Variants in PIK3C2B observed in about 807,000 individuals in gnomAD.
The protein encoded by PIK3C2B is phosphatidylinositol 4-phosphate 3-kinase C2 domain-containing subunit beta.
Under a neutral mutation model 184.3 loss-of-function variants are expected in PIK3C2B, and 83 were observed. The observed-to-expected ratio is 0.45, with a 90% CI of 0.38 to 0.54. The LOEUF is 0.54. Ranked by LOEUF, PIK3C2B falls within the 20% of genes least tolerant of loss-of-function variation. The probability of loss-of-function intolerance (pLI) is 0.00; values close to 1 mark genes in which losing one functional copy is unlikely to be tolerated. For synonymous variants in PIK3C2B, 779 were observed against 837.6 expected (o/e 0.93, Z 1.21); for missense variants, 1,736 against 2,113.5 (o/e 0.82, Z 3.50).
At chr1:204,454,512 G>T in intron 12 of PIK3C2B, 157 bp downstream of exon 12, 6 of 618,940 alleles carry the variant, frequency 9.7e-6, no homozygotes, top group East Asian at 2.9e-5. Context: ...AGTCAGGGAA[G>T]TGGAGACTCA....
chr1:204,481,414 T>G (rs943228971), intron 1 of PIK3C2B, among the ~76,000 whole-genome samples: 11 of 151,864 alleles, frequency 7.2e-5, no homozygotes, highest in African/African-American at 2.7e-4. Flanking sequence ...CCCGCCACCA[T>G]GCCCAGCTAA....
intron 1 of PIK3C2B, among the ~76,000 whole-genome samples, chr1:204,482,920 A>G (rs937640491): frequency 6.6e-6 from 1 of 152,174 alleles, no homozygotes; most frequent in Non-Finnish European, 1.5e-5. Context: ...AGGACTGCCC[A>G]TGTCAGCCTG....
chr1:204,478,041 GC>G (rs898461266), intron 1 of PIK3C2B, among the ~76,000 whole-genome samples: 7 of 152,136 alleles, frequency 4.6e-5, no homozygotes, highest in Non-Finnish European at 5.9e-5. Context: ...AGGGTTTCAA[GC>G]CCCCAGTCTT....
chr1:204,467,687 T>C (rs1017630983), intron 2 of PIK3C2B, among the ~76,000 whole-genome samples: 2 of 151,828 alleles, frequency 1.3e-5, no homozygotes, highest in African/African-American at 4.8e-5. Flanking sequence ...ATACAAAAAT[T>C]AGCTGGGCAT....
At position 204,469,860 on chromosome 1, in the gene PIK3C2B, G is replaced by A; in HGVS notation, c.-58C>T. On this transcript the variant is annotated 5_prime_UTR_variant, in exon 2 of 33. Coordinates refer to ENST00000684373, the MANE Select transcript of PIK3C2B (RefSeq NM_001377334.1). Reference sequence around the variant, plus strand: ...CTACTTCCTGCCAACGTCAGTTCTGGAGGGTTGTGACATGGTGTCTGGGCG... The same window carrying A: ...CTACTTCCTGCCAACGTCAGTTCTGAAGGGTTGTGACATGGTGTCTGGGCG... The A allele has an allele frequency of 8.1e-7, 1 of 1,237,978 alleles. No homozygotes were observed. Among genetic ancestry groups the A allele is most frequent in the Non-Finnish European group, 1.2e-6 (1 of 845,278 alleles). The allele number at this position is 1,237,978 out of a possible 1,614,324, so 76.7% of individuals were successfully genotyped here. A position where few individuals can be genotyped will look rare whatever the true frequency, so the allele number is the denominator to read the frequency against.
chr1:204,429,122 G>C (rs1308401298), intron 29 of PIK3C2B, among the ~76,000 whole-genome samples: 1 of 152,078 alleles, frequency 6.6e-6, no homozygotes, highest in African/African-American at 2.4e-5. Context: ...CAGCTACTCA[G>C]GAGACTGAGG....
At chr1:204,488,786 C>A (rs1317284101) in intron 1 of PIK3C2B, among the ~76,000 whole-genome samples, 1 of 152,162 alleles carries the variant, frequency 6.6e-6, no homozygotes, top group African/African-American at 2.4e-5. Flanking sequence ...ATCAAAAAGG[C>A]CCCACTGATG....
intron 10 of PIK3C2B, among the ~76,000 whole-genome samples, chr1:204,456,463 A>G (rs938656395): frequency 4.6e-5 from 7 of 152,212 alleles, no homozygotes; most frequent in Non-Finnish European, 1.0e-4. Flanking sequence ...GAAATCCAAA[A>G]GACTGGGAAT....
chr1:204,452,651 C>CTTTTTT (rs371699160), intron 12 of PIK3C2B, among the ~76,000 whole-genome samples: 1 of 92,374 alleles, frequency 1.1e-5, no homozygotes, highest in Non-Finnish European at 2.0e-5. Context: ...ACCCCATGTC[C>CTTTTTT]TTTTTTTTTT....
intron 27 of PIK3C2B, 122 bp from the exon 28 acceptor site, chr1:204,431,915 G>T: frequency 9.1e-7 from 1 of 1,102,618 alleles, no homozygotes; most frequent in Non-Finnish European, 1.4e-6. Context: ...AAGGAAGAGA[G>T]CAAGAGTGGA....
intron 8 of PIK3C2B, among the ~76,000 whole-genome samples, chr1:204,458,501 T>TC (rs1655054370): frequency 6.6e-6 from 1 of 151,912 alleles, no homozygotes; most frequent in African/African-American, 2.4e-5. Flanking sequence ...ACAATTTTTT[T>TC]TTTTTTTTTT....
chr1:204,477,794 G>A (rs1656830781), intron 1 of PIK3C2B, among the ~76,000 whole-genome samples: 1 of 152,302 alleles, frequency 6.6e-6, no homozygotes, highest in African/African-American at 2.4e-5. Flanking sequence ...AAAGGGTGTT[G>A]AGTACCAGCT....
Position 204,454,841 on chromosome 1 carries a change from A to T in PIK3C2B, c.1944-50T>A, listed in dbSNP as rs1340964367. On this transcript the variant is annotated intron_variant, in intron 11 of 32. Transcript: ENST00000684373. Reference sequence around the variant, plus strand: ...GGACACCCAGCTCCCAAAACCAATCACCCAAACCTATGCGTCCCTCTAAGG... The same window carrying T: ...GGACACCCAGCTCCCAAAACCAATCTCCCAAACCTATGCGTCCCTCTAAGG... 4 of 1,576,538 alleles carry T rather than the reference A, an allele frequency of 2.5e-6. No homozygotes were observed. In the South Asian group the frequency reaches 4.5e-5, roughly 18 times the overall value.
At chr1:204,491,529 C>T (rs1295348405) in intron 1 of PIK3C2B, among the ~76,000 whole-genome samples, 2 of 152,114 alleles carry the variant, frequency 1.3e-5, no homozygotes, top group Non-Finnish European at 2.9e-5. Flanking sequence ...CCCATCTCTA[C>T]AAAAACTTAA....
At position 204,462,343 on chromosome 1, in the gene PIK3C2B, C is replaced by T. The variant is rs535119909; in HGVS notation, c.1310+1669G>A. On this transcript the variant is annotated intron_variant, in intron 5 of 32. Coordinates refer to ENST00000684373, the MANE Select transcript of PIK3C2B (RefSeq NM_001377334.1). Reference sequence around the variant, plus strand: ...GAGCCCTAGGACTTCTCTCCGTGGGCTGCTCCTTCCCTGCTGGTATTTACT... The same window carrying T: ...GAGCCCTAGGACTTCTCTCCGTGGGTTGCTCCTTCCCTGCTGGTATTTACT... Among the ~76,000 whole-genome samples the T allele has an allele frequency of 1.0e-4, 15 of 146,684 alleles. No homozygotes were observed. In the South Asian group the frequency reaches 3.5e-3, roughly 34 times the overall value.
intron 1 of PIK3C2B, among the ~76,000 whole-genome samples, chr1:204,473,765 T>C (rs1193611289): frequency 6.6e-6 from 1 of 152,226 alleles, no homozygotes; most frequent in African/African-American, 2.4e-5. Flanking sequence ...TTTCTTCCTT[T>C]TGGCCCAGGG....
rs376843415 is a variant in PIK3C2B, at chr1:204,484,460, C to A, written c.-85+9896G>T. On this transcript the variant is annotated intron_variant, in intron 1 of 32. Coordinates refer to ENST00000684373, the MANE Select transcript of PIK3C2B (RefSeq NM_001377334.1). Reference sequence around the variant, plus strand: ...TTGATTAAGTGTTTAAGCTGATGGCCGGGCGCGGTGGCTCACTCAATTCCA... The same window carrying A: ...TTGATTAAGTGTTTAAGCTGATGGCAGGGCGCGGTGGCTCACTCAATTCCA... Among the ~76,000 whole-genome samples the A allele has an allele frequency of 3.3e-5, 5 of 152,196 alleles. No homozygotes were observed. The East Asian group carries it at 7.7e-4, about 24-fold the overall frequency.
At chr1:204,488,783 A>T (rs1324286229) in intron 1 of PIK3C2B, among the ~76,000 whole-genome samples, 3 of 152,220 alleles carry the variant, frequency 2.0e-5, no homozygotes, top group African/African-American at 7.2e-5. Flanking sequence ...ACCATCAAAA[A>T]GGCCCCACTG....
At chr1:204,452,288 C>CTT (rs71145086) in intron 12 of PIK3C2B, among the ~76,000 whole-genome samples, 1,711 of 70,994 alleles carry the variant, frequency 0.024, 259 homozygotes, top group East Asian at 0.13. Flanking sequence ...GTGCAGCACC[C>CTT]TTTTTTTTTT....
Sources: allele counts gnomAD v4.1 joint callset (sites outside exome capture counted in the v4.1 genomes callset), GRCh38; gene constraint gnomAD v4.1.1; transcripts MANE v1.5; gene names NCBI Gene and HGNC (gene_info 2026-07-23, HGNC 2026-07-21).